The following CAMK2A variants were observed in gnomAD, a reference collection of about 807,000 sequenced individuals.
CAMK2A encodes the protein calcium/calmodulin dependent protein kinase II alpha.
Under a neutral mutation model 79.2 loss-of-function variants are expected in CAMK2A, and 7 were observed. That is an observed-to-expected ratio of 0.09 (90% confidence interval 0.05 to 0.17). The LOEUF (loss-of-function observed/expected upper bound fraction) is 0.17, where lower values mean the gene tolerates loss of function less well. Ranked by LOEUF, CAMK2A falls within the 10% of genes least tolerant of loss-of-function variation. The pLI is 1.00. For missense variants in CAMK2A, 214 were observed against 646.4 expected (o/e 0.33, Z 7.25); for synonymous variants, 242 against 251.7 (o/e 0.96, Z 0.36).
chr5:150,250,185 T>C (rs201509559), intron 11 of CAMK2A, 41 bp downstream of exon 11: 5 of 1,452,038 alleles, frequency 3.4e-6, no homozygotes, highest in Admixed American at 3.3e-5. Flanking sequence ...CAGGCAGAGC[T>C]AGTCCCATGG....
At chr5:150,254,468 G>A (rs1457044528) in intron 6 of CAMK2A, among the ~76,000 whole-genome samples, 1 of 152,192 alleles carries the variant, frequency 6.6e-6, no homozygotes, top group East Asian at 1.9e-4. Context: ...CCAGAATCGA[G>A]GCAAAGTCTG....
intron 11 of CAMK2A, 119 bp from the exon 12 acceptor site, chr5:150,247,933 C>T: frequency 1.3e-6 from 1 of 792,348 alleles, no homozygotes. Context: ...AGAGAAGAAG[C>T]CAAAGCCTCT....
At chr5:150,265,297 C>T (rs986769207) in intron 2 of CAMK2A, 5 of 438,108 alleles carry the variant, frequency 1.1e-5, no homozygotes, top group Admixed American at 1.0e-4. Context: ...CTCCTCCAGG[C>T]CTGTTCCTCA....
chr5:150,225,366 C>T (rs538471271), intron 17 of CAMK2A, among the ~76,000 whole-genome samples: 2 of 152,250 alleles, frequency 1.3e-5, no homozygotes, highest in East Asian at 3.9e-4. Flanking sequence ...AAAAATAGGG[C>T]CCTGGAGGGT....
chr5:150,264,856 A>C, intron 3 of CAMK2A, 100 bp downstream of exon 3: 1 of 844,058 alleles, frequency 1.2e-6, no homozygotes, highest in Admixed American at 1.8e-5. Flanking sequence ...CAGAGAAGAG[A>C]GCAGCTGCTC....
chr5:150,227,871 C>G (rs1369026222), intron 17 of CAMK2A, among the ~76,000 whole-genome samples: 1 of 152,160 alleles, frequency 6.6e-6, no homozygotes, highest in African/African-American at 2.4e-5. Flanking sequence ...CCTCCCTTAT[C>G]TATAATATGG....
intron 12 of CAMK2A, among the ~76,000 whole-genome samples, chr5:150,246,757 T>C (rs1755584417): frequency 6.6e-6 from 1 of 152,312 alleles, no homozygotes; most frequent in South Asian, 2.1e-4. Flanking sequence ...GAAGTTCTAG[T>C]ATCTGCCCAC....
chr5:150,256,382 A>G lies in CAMK2A; in HGVS notation c.411+191T>C, dbSNP rs1327894534. On this transcript the variant is annotated intron_variant, in intron 6 of 18. Coordinates refer to ENST00000671881, the MANE Select transcript of CAMK2A (RefSeq NM_015981.4). The surrounding 1 kb of genome is among the most constrained non-coding windows in gnomAD (Gnocchi z 4.6). ...GAGTTGGAAGAGCAGGGGCCCAAAC[A>G]CAGACGCTCTACCTTCCTGAGCTCT... 1.3e-5 allele frequency among the ~76,000 whole-genome samples: 2 copies of G among 152,168 alleles called. No individual in the cohort carries two copies. Among genetic ancestry groups the G allele is most frequent in the African/African-American group, 4.8e-5 (2 of 41,432 alleles).
chr5:150,253,339 C>T (rs1206453410), intron 7 of CAMK2A, 105 bp downstream of exon 7: 4 of 899,312 alleles, frequency 4.4e-6, no homozygotes, highest in Non-Finnish European at 7.2e-6. Flanking sequence ...GCTGGCCCAA[C>T]AGCATCTCCA....
chr5:150,271,133 C>T (rs1488602749), intron 2 of CAMK2A, among the ~76,000 whole-genome samples: 1 of 152,240 alleles, frequency 6.6e-6, no homozygotes, highest in African/African-American at 2.4e-5. Context: ...CACCAGACTG[C>T]TGCTAGTCAC....
chr5:150,253,857 AAGC>A (rs139916117), intron 6 of CAMK2A, among the ~76,000 whole-genome samples: 7 of 149,010 alleles, frequency 4.7e-5, no homozygotes, highest in South Asian at 2.1e-4. Flanking sequence ...CACCACAATA[AAGC>A]AGCAGCAGCA....
chr5:150,263,618 C>T (rs1045015704), intron 3 of CAMK2A, among the ~76,000 whole-genome samples: 1 of 152,034 alleles, frequency 6.6e-6, no homozygotes, highest in African/African-American at 2.4e-5. Context: ...CATTCGCACT[C>T]ACACTCACAT....
rs555898216 is a variant in CAMK2A, at chr5:150,289,701, T to C, written c.-76A>G. On this transcript the variant is annotated 5_prime_UTR_variant, in exon 1 of 19. Coordinates refer to ENST00000671881, the MANE Select transcript of CAMK2A (RefSeq NM_015981.4). Reference sequence around the variant, plus strand: ...GGCGCTGCTGCTCTGCTCCCGAACCTAGGGACCACTTGCCTGCCCGTGCTG... The same window carrying C: ...GGCGCTGCTGCTCTGCTCCCGAACCCAGGGACCACTTGCCTGCCCGTGCTG... The C allele has an allele frequency of 5.0e-6, 6 of 1,202,564 alleles. No homozygotes were observed. The highest frequency in any genetic ancestry group is 7.3e-6 in the Non-Finnish European group (6 of 823,318). The allele number at this position is 1,202,564 out of a possible 1,614,324, so 74.5% of individuals were successfully genotyped here. A position where few individuals can be genotyped will look rare whatever the true frequency, so the allele number is the denominator to read the frequency against.
chr5:150,284,591 AGAACATGT>A lies in CAMK2A; in HGVS notation c.62+4965_62+4972del, dbSNP rs576981868. 1.9e-3 allele frequency among the ~76,000 whole-genome samples: 290 copies of A among 152,312 alleles called. 3 individuals carry two copies. The highest frequency in any genetic ancestry group is 6.0e-3 in the African/African-American group (250 of 41,560). On this transcript the variant is annotated intron_variant, in intron 1 of 18. Transcript: ENST00000671881. The surrounding 1 kb of genome is among the most constrained non-coding windows in gnomAD (Gnocchi z 5.3). ...GGGGCGGAGGGCTGCAGCGTGCACC[AGAACATGT>A]GCGTGCCTGCCGCTCTGATGGCTTG...
rs1754232793 is a variant in CAMK2A at position 150,220,101 on chromosome 5, G to A, written c.*2609C>T. The A allele has an allele frequency of 6.6e-6, 1 of 152,564 alleles. No homozygotes were observed. The highest frequency in any genetic ancestry group is 1.5e-5 in the Non-Finnish European group (1 of 68,052). The allele number at this position is 152,564 out of a possible 1,614,324, so 9.5% of individuals were successfully genotyped here. ...GGTAGCGATCTGCCTCCACTTCTCT[G>A]GCACTTGGAGAGTGACACAGTGGAC... On this transcript the variant is annotated 3_prime_UTR_variant, in exon 19 of 19. Transcript: ENST00000671881.
intron 3 of CAMK2A, among the ~76,000 whole-genome samples, chr5:150,261,218 G>A (rs1756292149): frequency 6.6e-6 from 1 of 151,810 alleles, no homozygotes; most frequent in African/African-American, 2.4e-5. Context: ...ACATGGGTTG[G>A]AATTCAGCCC....
Position 150,222,701 on chromosome 5 carries a change from C to G in CAMK2A, c.*9G>C. The G allele has an allele frequency of 1.2e-6, 2 of 1,614,090 alleles. No homozygotes were observed. Among genetic ancestry groups the G allele is most frequent in the Non-Finnish European group, 1.7e-6 (2 of 1,179,978 alleles). ...CGGCACAGCAACGCAGCGACCCCAG[C>G]CTGGTCCCTCAGCTGTAAGACACAC... On this transcript the variant is annotated 3_prime_UTR_variant, in exon 19 of 19. Transcript: ENST00000671881.
chr5:150,273,213 C>T, intron 1 of CAMK2A, 54 bp from the exon 2 acceptor site: 1 of 1,379,878 alleles, frequency 7.2e-7, no homozygotes, highest in Non-Finnish European at 1.0e-6. Context: ...GGCTGTGTCC[C>T]TAGGAGATGT....
chr5:150,238,825 T>G, intron 14 of CAMK2A, 77 bp from the exon 15 acceptor site: 1 of 1,285,680 alleles, frequency 7.8e-7, no homozygotes, highest in Non-Finnish European at 1.1e-6. Context: ...GGCTGCCTGG[T>G]GACGCGGCTG....
Sources: gnomAD v4.1 joint callset for allele counts (sites outside exome capture counted in the v4.1 genomes callset) on GRCh38, gnomAD v4.1.1 for gene constraint, Gnocchi (gnomAD v3.1) non-coding constraint, MANE v1.5 for transcripts, NCBI Gene and HGNC (gene_info 2026-07-23, HGNC 2026-07-21) for gene names.